DEPDC1B: variants seen among roughly 807,000 people sequenced by gnomAD.
DEPDC1B encodes DEP domain containing 1B, also known as DEP domain-containing protein 1B.
A neutral mutation model predicts 66.5 loss-of-function variants in DEPDC1B; 51 were observed. The ratio of observed to expected loss-of-function variants is 0.77; its 90% CI spans 0.61 to 0.97. DEPDC1B has a LOEUF of 0.97. Ranked by LOEUF, DEPDC1B falls within the 50% of genes least tolerant of loss-of-function variation. DEPDC1B has a pLI of 0.00. For missense variants in DEPDC1B, 552 were observed against 637.1 expected (o/e 0.87, Z 1.44); for synonymous variants, 226 against 223.6 (o/e 1.01, Z -0.10).
intron 7 of DEPDC1B, among the ~76,000 whole-genome samples, chr5:60,614,391 A>AG (rs1029096923): frequency 7.0e-4 from 107 of 152,272 alleles, no homozygotes; most frequent in African/African-American, 2.3e-3. Flanking sequence ...TTTAAGAGAC[A>AG]GGGTCTTGCT....
intron 7 of DEPDC1B, among the ~76,000 whole-genome samples, chr5:60,636,985 G>A (rs1401984117): frequency 3.3e-5 from 5 of 152,078 alleles, no homozygotes; most frequent in South Asian, 2.1e-4. Context: ...CAGTGACATC[G>A]TAAATATAAC....
chr5:60,682,123 A>C (rs1754308720), intron 2 of DEPDC1B, among the ~76,000 whole-genome samples: 1 of 152,186 alleles, frequency 6.6e-6, no homozygotes, highest in African/African-American at 2.4e-5. Context: ...CCAAATGTCC[A>C]ACAATTGATA....
chr5:60,695,451 T>C (rs1032231020), intron 1 of DEPDC1B, among the ~76,000 whole-genome samples: 1 of 152,160 alleles, frequency 6.6e-6, no homozygotes, highest in African/African-American at 2.4e-5. Context: ...TACTCACTCA[T>C]TGTCATGAGG....
At position 60,613,828 on chromosome 5, in the gene DEPDC1B, G is replaced by GTGTGTGTATATA. The variant is rs3989094; in HGVS notation, c.899-7973_899-7972insTATATACACACA. ...TGTGTGTGTGTGTGTGTGTGTGTGT[G>GTGTGTGTATATA]TATACATAAAAAACAGATGTAGGGT... is the stretch of plus-strand genomic sequence containing the variant. On this transcript the variant is annotated intron_variant, in intron 7 of 10. Transcript: ENST00000265036. Among the ~76,000 whole-genome samples the GTGTGTGTATATA allele has an allele frequency of 5.5e-5, 8 of 144,390 alleles. No individual in the cohort carries two copies. The South Asian group carries it at 8.8e-4, about 16-fold the overall frequency. The allele number at this position is 144,390 out of a possible 152,430, so 94.7% of individuals were successfully genotyped here.
In DEPDC1B at chr5:60,618,595, T is replaced by C. The variant is rs568264035; in HGVS notation, c.899-12739A>G. On this transcript the variant is annotated intron_variant, in intron 7 of 10. Transcript: ENST00000265036. ...CTCCCAAAACTAAACCAGGAAGAAGTTGAATCTCTGAATAGACCAATAACA... is the reference window on the plus strand; with the variant it reads ...CTCCCAAAACTAAACCAGGAAGAAGCTGAATCTCTGAATAGACCAATAACA... 3.9e-4 allele frequency among the ~76,000 whole-genome samples: 59 copies of C among 152,244 alleles called. 1 individual carries two copies. Among genetic ancestry groups the C allele is most frequent in the Middle Eastern group, 3.4e-3 (1 of 294 alleles).
At chr5:60,669,580 A>G (rs537795508) in intron 2 of DEPDC1B, among the ~76,000 whole-genome samples, 2 of 152,336 alleles carry the variant, frequency 1.3e-5, no homozygotes, top group East Asian at 3.9e-4. Context: ...CATTAGTGGT[A>G]TATATCACCT....
In DEPDC1B at chr5:60,652,996, T is replaced by C. The variant is rs1253556983; in HGVS notation, c.315-5463A>G. ...ATATTTATACACACCATATTTTCTT[T>C]ATCCACTCATTGATTAATGGGCATT... On this transcript the variant is annotated intron_variant, in intron 2 of 10. Coordinates refer to ENST00000265036, the MANE Select transcript of DEPDC1B (RefSeq NM_018369.3). Among the ~76,000 whole-genome samples the C allele has an allele frequency of 2.0e-5, 3 of 149,524 alleles. No individual in the cohort carries two copies. The South Asian group carries it at 6.7e-4, about 33-fold the overall frequency.
intron 2 of DEPDC1B, among the ~76,000 whole-genome samples, chr5:60,660,287 G>C (rs984393273): frequency 4.8e-5 from 7 of 144,800 alleles, no homozygotes; most frequent in Non-Finnish European, 7.6e-5. Flanking sequence ...ACAGAGAGGA[G>C]AGAGAAAGAG....
At chr5:60,615,901 C>A (rs190311708) in intron 7 of DEPDC1B, among the ~76,000 whole-genome samples, 2 of 152,192 alleles carry the variant, frequency 1.3e-5, no homozygotes, top group African/African-American at 2.4e-5. Flanking sequence ...GCAGTAGGGG[C>A]TGAATGACAC....
chr5:60,603,633 T>G (rs929812558), intron 8 of DEPDC1B, 66 bp from the exon 9 acceptor site: 86 of 1,472,656 alleles, frequency 5.8e-5, no homozygotes, highest in African/African-American at 2.8e-5. Context: ...TGCAATCTAA[T>G]TTGCAAAAGG....
intron 7 of DEPDC1B, among the ~76,000 whole-genome samples, chr5:60,621,542 G>C (rs1234629222): frequency 1.3e-5 from 2 of 151,802 alleles, no homozygotes; most frequent in Non-Finnish European, 1.5e-5. Flanking sequence ...CCTGGGGTAG[G>C]GGGAGTGGGG....
At chr5:60,675,391 C>T (rs1754131066) in intron 2 of DEPDC1B, among the ~76,000 whole-genome samples, 1 of 152,100 alleles carries the variant, frequency 6.6e-6, no homozygotes, top group Admixed American at 6.5e-5. Context: ...AGACAGTCAC[C>T]CAGCTCCAGG....
chr5:60,619,790 T>C (rs1752658502), intron 7 of DEPDC1B, among the ~76,000 whole-genome samples: 2 of 152,180 alleles, frequency 1.3e-5, no homozygotes, highest in Non-Finnish European at 2.9e-5. Flanking sequence ...AAAAAACTAC[T>C]TTAAAGTTCA....
Position 60,597,721 on chromosome 5 carries a change from G to A in DEPDC1B, c.*32C>T. The A allele has an allele frequency of 4.4e-6, 7 of 1,592,250 alleles. No individual in the cohort carries two copies. The highest frequency in any genetic ancestry group is 6.0e-6 in the Non-Finnish European group (7 of 1,173,266). ...ACCATTCACTCAAAACAACAACAGT[G>A]GTCTCTAGCACCTGTTGCTGTGGAA... On this transcript the variant is annotated 3_prime_UTR_variant, in exon 11 of 11. Coordinates refer to ENST00000265036, the MANE Select transcript of DEPDC1B (RefSeq NM_018369.3).
chr5:60,604,215 A>ATTTTTTTTTTTTTT (rs1323826916), intron 8 of DEPDC1B, among the ~76,000 whole-genome samples: 49 of 60,048 alleles, frequency 8.2e-4, no homozygotes, highest in East Asian at 3.7e-3. Flanking sequence ...GAAATTAACT[A>ATTTTTTTTTTTTTT]TTCTTTTTTT....
chr5:60,621,625 T>C (rs1378266591), intron 7 of DEPDC1B, among the ~76,000 whole-genome samples: 1 of 152,096 alleles, frequency 6.6e-6, no homozygotes, highest in Non-Finnish European at 1.5e-5. Flanking sequence ...ATGGCTCATG[T>C]ATACATATGT....
At chr5:60,602,478 T>C (rs1752220764) in intron 9 of DEPDC1B, among the ~76,000 whole-genome samples, 1 of 152,170 alleles carries the variant, frequency 6.6e-6, no homozygotes, top group South Asian at 2.1e-4. Context: ...TTGATTGTGG[T>C]GCCTCAAAAA....
Position 60,624,252 on chromosome 5 carries a change from CAT to C in DEPDC1B, c.898+14496_898+14497del, listed in dbSNP as rs747453141. ...TTTTCTGCAATCGTTGAGATGGTCA[CAT>C]GAGTTTTTTTCCTTCATCCTATCGA... On this transcript the variant is annotated intron_variant, in intron 7 of 10. Coordinates refer to ENST00000265036, the MANE Select transcript of DEPDC1B (RefSeq NM_018369.3). 3.9e-5 allele frequency among the ~76,000 whole-genome samples: 6 copies of C among 152,288 alleles called. 1 individual carries two copies. In the South Asian group the frequency reaches 1.0e-3, roughly 26 times the overall value.
intron 7 of DEPDC1B, among the ~76,000 whole-genome samples, chr5:60,625,290 T>C (rs1331035559): frequency 6.6e-6 from 1 of 152,192 alleles, no homozygotes; most frequent in African/African-American, 2.4e-5. Flanking sequence ...CAAATGGTAT[T>C]TCTAGTTCTA....
Sources: allele counts gnomAD v4.1 joint callset (sites outside exome capture counted in the v4.1 genomes callset), GRCh38; gene constraint gnomAD v4.1.1; transcripts MANE v1.5; gene names NCBI Gene and HGNC (gene_info 2026-07-23, HGNC 2026-07-21).